The following KNDC1 variants were observed in gnomAD, a reference collection of about 807,000 sequenced individuals.
KNDC1 encodes kinase non-catalytic C-lobe domain containing 1, also known as kinase non-catalytic C-lobe domain-containing protein 1.
A neutral mutation model predicts 172.8 loss-of-function variants in KNDC1; 106 were observed. The observed-to-expected ratio is 0.61, with a 90% confidence interval of 0.52 to 0.72. The LOEUF is 0.72. KNDC1 is among the 30% of genes least tolerant of loss of function. KNDC1 has a pLI of 0.00. For missense variants in KNDC1, 2,325 were observed against 2,394.5 expected, an observed-to-expected ratio of 0.97 and a Z score of 0.61; for synonymous variants, 1,083 against 1,062.2, an observed-to-expected ratio of 1.02 and a Z score of -0.38.
rs1467445497 is a variant in KNDC1, at chr10:133,201,487, CTCTT to C, written c.2990-7_2990-4del. On this transcript the variant is annotated splice_polypyrimidine_tract_variant and intron_variant, in intron 16 of 29. Coordinates refer to ENST00000304613, the MANE Select transcript of KNDC1 (RefSeq NM_152643.8). The stretch of plus-strand genomic sequence containing the variant: ...GAGCCACTGTCCACGTAACCTGCGT[CTCTT>C]TCTTTCAAGGAAAAGAGAAGCCAGC... 1.9e-6 allele frequency: 3 copies of C among 1,579,506 alleles called. No individual in the cohort carries two copies. Among genetic ancestry groups the C allele is most frequent in the Non-Finnish European group, 2.6e-6 (3 of 1,166,084 alleles).
chr10:133,179,127 C>T (rs1313971018), intron 3 of KNDC1: 1 of 152,242 alleles, frequency 6.6e-6, no homozygotes, highest in Non-Finnish European at 1.5e-5. Flanking sequence ...GCTGATTCCA[C>T]CTGAAGCTCA....
chr10:133,169,578 C>T (rs1384685426), intron 3 of KNDC1, among the ~76,000 whole-genome samples: 2 of 152,146 alleles, frequency 1.3e-5, no homozygotes, highest in Non-Finnish European at 2.9e-5. Flanking sequence ...CAGGAGGCCT[C>T]TGCTGCGGGG....
chr10:133,185,924 G>GGGGGGAGGA, intron 5 of KNDC1, 50 bp from the exon 6 acceptor site: 2 of 1,348,882 alleles, frequency 1.5e-6, no homozygotes, highest in Non-Finnish European at 1.0e-6. Context: ...GGAGGAGAGG[G>GGGGGGAGGA]GAGGGGCGGG....
At chr10:133,212,694 C>G (rs370419746) in intron 23 of KNDC1, 22 bp from the exon 24 acceptor site, 18 of 1,607,026 alleles carry the variant, frequency 1.1e-5, no homozygotes, top group South Asian at 3.3e-5. Flanking sequence ...TTAGGCCCCT[C>G]AGTGCCCGGC....
At chr10:133,212,127 C>A (rs1845380635) in intron 23 of KNDC1, among the ~76,000 whole-genome samples, 2 of 152,116 alleles carry the variant, frequency 1.3e-5, no homozygotes, top group Admixed American at 6.5e-5. Context: ...CACACGTGCA[C>A]ACGCACGTGC....
In KNDC1 at chr10:133,160,303, C is replaced by T. The variant is rs1353870285; in HGVS notation, c.-165C>T. ...CCCCGCGCCCCCCGCGCCCCCCGGG[C>T]CCGCCCCGTATCCCTGACCGCGTCC... On this transcript the variant is annotated 5_prime_UTR_variant, in exon 1 of 30. Transcript: ENST00000304613. The T allele has an allele frequency of 1.0e-5, 2 of 195,978 alleles. No homozygotes were observed. Among genetic ancestry groups the T allele is most frequent in the African/African-American group, 2.4e-5 (1 of 42,014 alleles). 12.1% of individuals were successfully genotyped at this position (195,978 alleles called of 1,614,324 possible).
chr10:133,206,114 C>A (rs1431531026), intron 17 of KNDC1, among the ~76,000 whole-genome samples: 2 of 152,076 alleles, frequency 1.3e-5, no homozygotes, highest in Non-Finnish European at 2.9e-5. Context: ...GCAGGAGAAT[C>A]GCTTGAACCT....
intron 3 of KNDC1, among the ~76,000 whole-genome samples, chr10:133,175,515 CATGG>C (rs1289819121): frequency 8.2e-6 from 1 of 121,350 alleles, no homozygotes; most frequent in Non-Finnish European, 1.7e-5. Flanking sequence ...TGAACAGGCA[CATGG>C]ATGGGTGGGT....
chr10:133,181,489 C>T (rs1202126675), intron 3 of KNDC1, among the ~76,000 whole-genome samples: 1 of 152,200 alleles, frequency 6.6e-6, no homozygotes, highest in Non-Finnish European at 1.5e-5. Flanking sequence ...GGTCCCCTAC[C>T]AGAGGTGCGT....
chr10:133,181,998 T>G, intron 3 of KNDC1, among the ~76,000 whole-genome samples: 1 of 151,770 alleles, frequency 6.6e-6, no homozygotes. Context: ...GAAAAAGGAG[T>G]TTGAGGCAGA....
chr10:133,172,430 C>T (rs1439963239), intron 3 of KNDC1, among the ~76,000 whole-genome samples: 2 of 152,144 alleles, frequency 1.3e-5, no homozygotes, highest in Non-Finnish European at 2.9e-5. Context: ...GGGCAAGTGT[C>T]TTGCCTTTTG....
At chr10:133,181,861 C>CACACACACACACACACACACACACACA (rs33923925) in intron 3 of KNDC1, among the ~76,000 whole-genome samples, 1 of 151,402 alleles carries the variant, frequency 6.6e-6, no homozygotes, top group African/African-American at 2.4e-5. Flanking sequence ...CACACACACA[C>CACACACACACACACACACACACACACA]CAGACTGTGG....
chr10:133,222,344 C>T (rs866254860), intron 29 of KNDC1, among the ~76,000 whole-genome samples: 1 of 152,166 alleles, frequency 6.6e-6, no homozygotes, highest in Non-Finnish European at 1.5e-5. Context: ...AAGAGTGGCA[C>T]TTGCTCTCCA....
chr10:133,202,627 C>T (rs1854405704), intron 17 of KNDC1: 2 of 456,576 alleles, frequency 4.4e-6, no homozygotes, highest in Non-Finnish European at 8.8e-6. Context: ...GGAAGCCTCC[C>T]CCAGCCTCTG....
chr10:133,222,031 T>C lies in KNDC1; in HGVS notation c.5018+1919T>C, dbSNP rs1371536621. On this transcript the variant is annotated intron_variant, in intron 29 of 29. Coordinates refer to ENST00000304613, the MANE Select transcript of KNDC1 (RefSeq NM_152643.8). ...GCGCGGTGGCTCACGCCAGTAACTCTAACACTCTGGGAGGCCGAGGCGGGC... is the reference window on the plus strand; with the variant it reads ...GCGCGGTGGCTCACGCCAGTAACTCCAACACTCTGGGAGGCCGAGGCGGGC... Among the ~76,000 whole-genome samples the C allele has an allele frequency of 3.9e-3, 516 of 131,136 alleles. 33 individuals carry two copies. The highest frequency in any genetic ancestry group is 0.015 in the African/African-American group (492 of 33,898). 86.0% of individuals were successfully genotyped at this position (131,136 alleles called of 152,430 possible). A position where few individuals can be genotyped will look rare whatever the true frequency, so the allele number is the denominator to read the frequency against.
intron 3 of KNDC1, among the ~76,000 whole-genome samples, chr10:133,177,662 ATGTGG>A (rs1408857638): frequency 6.6e-6 from 1 of 151,692 alleles, no homozygotes; most frequent in Non-Finnish European, 1.5e-5. Context: ...GTGTACATGC[ATGTGG>A]TGTGTATATC....
At chr10:133,212,995 C>G in intron 24 of KNDC1, 73 bp downstream of exon 24, 1 of 1,306,266 alleles carries the variant, frequency 7.7e-7, no homozygotes, top group Non-Finnish European at 1.1e-6. Context: ...GCCCATAGGG[C>G]CCTCAGCGGC....
chr10:133,196,015 G>A (rs1854181707), intron 10 of KNDC1, among the ~76,000 whole-genome samples, 194 bp downstream of exon 10: 1 of 152,234 alleles, frequency 6.6e-6, no homozygotes, highest in Non-Finnish European at 1.5e-5. Flanking sequence ...TTCGCGTCAT[G>A]GCCACGTCCA....
intron 3 of KNDC1, among the ~76,000 whole-genome samples, chr10:133,175,376 G>A (rs536250659): frequency 2.0e-5 from 3 of 150,638 alleles, no homozygotes; most frequent in African/African-American, 4.9e-5. Context: ...GTGGTTGTAT[G>A]TGTGGAGGAT....
Sources: gnomAD v4.1 joint callset for allele counts (sites outside exome capture counted in the v4.1 genomes callset) on GRCh38, gnomAD v4.1.1 for gene constraint, MANE v1.5 for transcripts, NCBI Gene and HGNC (gene_info 2026-07-23, HGNC 2026-07-21) for gene names.